Variants in PCSK2 observed in about 807,000 individuals in gnomAD.
The protein encoded by PCSK2 is neuroendocrine convertase 2.
Under a neutral mutation model 69.7 loss-of-function variants are expected in PCSK2, and 14 were observed. The observed-to-expected ratio is 0.20, with a 90% CI of 0.13 to 0.31. The LOEUF (loss-of-function observed/expected upper bound fraction) is 0.31, where lower values mean the gene tolerates loss of function less well. Among genes scored for constraint, PCSK2 ranks in the 10% least tolerant of loss-of-function variants. The pLI, the probability that PCSK2 is intolerant of heterozygous loss-of-function variation, is 1.00. For synonymous variants in PCSK2, 307 were observed against 320.7 expected (o/e 0.96, Z 0.46); for missense variants, 544 against 842.5 (o/e 0.65, Z 4.39).
At chr20:17,338,788 G>A (rs1990430026) in intron 2 of PCSK2, among the ~76,000 whole-genome samples, 1 of 152,036 alleles carries the variant, frequency 6.6e-6, no homozygotes, top group South Asian at 2.1e-4. Flanking sequence ...TATTGGGAGG[G>A]CAAACAAATA....
intron 2 of PCSK2, among the ~76,000 whole-genome samples, chr20:17,285,503 G>A (rs73249897): frequency 1.0e-3 from 155 of 152,314 alleles, no homozygotes; most frequent in African/African-American, 3.5e-3. Context: ...TTGATCTTTA[G>A]TCTGGTCTGT....
intron 6 of PCSK2, among the ~76,000 whole-genome samples, chr20:17,427,798 TG>T (rs1257755652): frequency 2.0e-5 from 3 of 152,162 alleles, no homozygotes; most frequent in Non-Finnish European, 4.4e-5. Flanking sequence ...TACTGTTGAC[TG>T]GGGTGTCAGG....
At chr20:17,434,681 A>G (rs1226596718) in intron 7 of PCSK2, among the ~76,000 whole-genome samples, 1 of 152,154 alleles carries the variant, frequency 6.6e-6, no homozygotes, top group Non-Finnish European at 1.5e-5. Context: ...CAGGGCTGGC[A>G]TTCGTTGGTT....
At chr20:17,418,016 C>T (rs1396762383) in intron 6 of PCSK2, among the ~76,000 whole-genome samples, 2 of 152,140 alleles carry the variant, frequency 1.3e-5, no homozygotes, top group Non-Finnish European at 2.9e-5. Context: ...TTTTGGTGTG[C>T]AAGCTTCCAA....
At chr20:17,285,747 A>C (rs1290087451) in intron 2 of PCSK2, among the ~76,000 whole-genome samples, 2 of 152,132 alleles carry the variant, frequency 1.3e-5, no homozygotes, top group African/African-American at 4.8e-5. Flanking sequence ...ATGAGCCACC[A>C]TTACTGTTAA....
chr20:17,358,437 T>C lies in PCSK2; in HGVS notation c.393T>C (p.Tyr131=). Residue 131 remains tyrosine (Y), a synonymous_variant, in exon 3 of 12, where the codon TAT becomes TAC. Transcript: ENST00000262545. ...MNDPLFTKQW[Y]LINTGQADGT... ...ATCCTCTTTTTACAAAGCAGTGGTA[T>C]CTGGTGAGTGTCTTTATGTCCTTTT... The C allele has an allele frequency of 6.6e-7, 1 of 1,513,910 alleles. No homozygotes were observed. The highest frequency in any genetic ancestry group is 9.2e-7 in the Non-Finnish European group (1 of 1,088,602). The allele number at this position is 1,513,910 out of a possible 1,614,324, so 93.8% of individuals were successfully genotyped here. A position where few individuals can be genotyped will look rare whatever the true frequency, so the allele number is the denominator to read the frequency against.
intron 2 of PCSK2, among the ~76,000 whole-genome samples, chr20:17,331,767 T>TAA (rs59201598): frequency 4.1e-5 from 6 of 146,126 alleles, no homozygotes; most frequent in Admixed American, 6.8e-5. Context: ...CTCGTGTGAT[T>TAA]AAAAAAAAAA....
chr20:17,401,310 C>T (rs1034155644), intron 5 of PCSK2, among the ~76,000 whole-genome samples: 3 of 152,150 alleles, frequency 2.0e-5, no homozygotes, highest in African/African-American at 7.2e-5. Flanking sequence ...AATTCCAAGA[C>T]CAAGGTGCCA....
In PCSK2 at chr20:17,263,353, G is replaced by A. The variant is rs144252790; in HGVS notation, c.282+3009G>A. ...GAAAACAGATTCTGATGTAGACTGT[G>A]TTAAAGATGTTCGCTTCTCTTTCCA... On this transcript the variant is annotated intron_variant, in intron 2 of 11. Transcript: ENST00000262545. Among the ~76,000 whole-genome samples the A allele has an allele frequency of 2.3e-3, 350 of 152,320 alleles. 2 individuals carry two copies. Among genetic ancestry groups the A allele is most frequent in the African/African-American group, 8.2e-3 (342 of 41,586 alleles).
Position 17,481,935 on chromosome 20 carries a change from T to C in PCSK2, c.1782T>C (p.Thr594=). The change falls in exon 12 of 12, where the codon ACT becomes ACC. Residue 594 remains threonine, a synonymous_variant. Transcript: ENST00000262545. ...LKEWTLMLHG[T]QSAPYIDQVV... is the part of the protein sequence containing the mutation. ...AGTGGACCCTGATGCTGCATGGCAC[T>C]CAGAGTGCCCCGTACATCGACCAGG... 1 of 1,613,594 alleles carries C rather than the reference T, an allele frequency of 6.2e-7. No homozygotes were observed.
intron 8 of PCSK2, among the ~76,000 whole-genome samples, chr20:17,451,427 G>A (rs1361897824): frequency 6.6e-6 from 1 of 152,182 alleles, no homozygotes; most frequent in African/African-American, 2.4e-5. Context: ...TCCCTCCTGT[G>A]TCTGGCAGCT....
At chr20:17,437,292 A>C (rs1044316068) in intron 8 of PCSK2, among the ~76,000 whole-genome samples, 1 of 152,238 alleles carries the variant, frequency 6.6e-6, no homozygotes, top group African/African-American at 2.4e-5. Context: ...CGGTAGATCC[A>C]GGAGGCAGCA....
At chr20:17,348,365 C>T (rs1477482264) in intron 2 of PCSK2, among the ~76,000 whole-genome samples, 1 of 152,204 alleles carries the variant, frequency 6.6e-6, no homozygotes, top group African/African-American at 2.4e-5. Flanking sequence ...GTCACTACCC[C>T]ACTGCCTTTC....
intron 6 of PCSK2, among the ~76,000 whole-genome samples, chr20:17,417,012 G>C (rs1444937708): frequency 6.7e-6 from 1 of 149,790 alleles, no homozygotes; most frequent in Non-Finnish European, 1.5e-5. Flanking sequence ...TCACACACCA[G>C]GGCCTGTCAG....
chr20:17,454,702 C>G (rs1364926389), intron 9 of PCSK2, among the ~76,000 whole-genome samples: 1 of 152,154 alleles, frequency 6.6e-6, no homozygotes, highest in East Asian at 1.9e-4. Flanking sequence ...ACCTCCAAAC[C>G]AGGATTTAGT....
chr20:17,406,433 C>T (rs1454822149), intron 5 of PCSK2, among the ~76,000 whole-genome samples: 1 of 152,070 alleles, frequency 6.6e-6, no homozygotes, highest in Non-Finnish European at 1.5e-5. Context: ...ATTGCAAAGG[C>T]AACAAAATAA....
chr20:17,295,328 C>T (rs1038967433), intron 2 of PCSK2, among the ~76,000 whole-genome samples: 1 of 151,822 alleles, frequency 6.6e-6, no homozygotes, highest in Non-Finnish European at 1.5e-5. Flanking sequence ...TGGGCAGAGC[C>T]TGGAAGCCAA....
chr20:17,267,383 G>A (rs1987659347), intron 2 of PCSK2, among the ~76,000 whole-genome samples: 1 of 152,210 alleles, frequency 6.6e-6, no homozygotes, highest in Admixed American at 6.5e-5. Flanking sequence ...TGCAATGGGG[G>A]AGGTATGCAT....
At chr20:17,285,778 G>A (rs550626163) in intron 2 of PCSK2, among the ~76,000 whole-genome samples, 1 of 152,248 alleles carries the variant, frequency 6.6e-6, no homozygotes, top group East Asian at 1.9e-4. Context: ...GTGGAATAGT[G>A]GAATTTTCCT....
Sources: allele counts gnomAD v4.1 joint callset (sites outside exome capture counted in the v4.1 genomes callset), GRCh38; gene constraint gnomAD v4.1.1; transcripts MANE v1.5; gene names NCBI Gene and HGNC (gene_info 2026-07-23, HGNC 2026-07-21).